Variants in PAK4 observed in about 807,000 individuals in gnomAD.
PAK4 encodes the protein p21 (RAC1) activated kinase 4.
A neutral mutation model predicts 53.5 loss-of-function variants in PAK4; 49 were observed. The observed-to-expected ratio is 0.92, with a 90% CI of 0.73 to 1.16. PAK4 has a LOEUF of 1.16. Among genes scored for constraint, PAK4 ranks in the 50% most tolerant of loss-of-function variants. The pLI, the probability that PAK4 is intolerant of heterozygous loss-of-function variation, is 0.00. For missense variants in PAK4, 824 were observed against 850.7 expected (o/e 0.97, Z 0.39); for synonymous variants, 376 against 375.6 (o/e 1.00, Z -0.01).
chr19:39,150,218 T>G (rs1436657124), intron 1 of PAK4, among the ~76,000 whole-genome samples: 2 of 152,148 alleles, frequency 1.3e-5, no homozygotes, highest in Non-Finnish European at 2.9e-5. Context: ...CTGGGTTACT[T>G]GCTGCAGCGC....
chr19:39,127,646 C>T (rs1486875006), intron 1 of PAK4, among the ~76,000 whole-genome samples: 1 of 152,086 alleles, frequency 6.6e-6, no homozygotes, highest in African/African-American at 2.4e-5. Context: ...ATCCACAGAG[C>T]CCCTAGCCTC....
intron 1 of PAK4, among the ~76,000 whole-genome samples, chr19:39,132,100 G>A (rs1050945735): frequency 3.3e-5 from 5 of 152,190 alleles, no homozygotes; most frequent in African/African-American, 4.8e-5. Context: ...CCAGCTCCAC[G>A]TGCCAGGCAC....
chr19:39,145,121 T>C (rs992499423), intron 1 of PAK4, among the ~76,000 whole-genome samples: 3 of 151,994 alleles, frequency 2.0e-5, no homozygotes, highest in Non-Finnish European at 4.4e-5. Context: ...TCTTTTTTGG[T>C]GAATTGTGAA....
At chr19:39,176,693 C>A in exon 7 of PAK4, 1 of 1,611,358 alleles carries the variant, frequency 6.2e-7, no homozygotes, top group Non-Finnish European at 8.5e-7. Context: ...GAGCTCATCT[C>A]CCGCCTTCCC....
chr19:39,127,292 C>G (rs1212571153), intron 1 of PAK4, among the ~76,000 whole-genome samples: 2 of 152,002 alleles, frequency 1.3e-5, no homozygotes, highest in Non-Finnish European at 2.9e-5. Flanking sequence ...AGCCCCTTTA[C>G]TGTTCTCCAA....
intron 1 of PAK4, among the ~76,000 whole-genome samples, chr19:39,129,818 C>T (rs919304139): frequency 2.0e-5 from 3 of 152,158 alleles, no homozygotes; most frequent in Non-Finnish European, 4.4e-5. Context: ...GGGCAGGTGC[C>T]AGGGGTGACA....
chr19:39,169,698 C>T (rs755002075), exon 2 of PAK4: 1 of 1,611,928 alleles, frequency 6.2e-7, no homozygotes, highest in Non-Finnish European at 8.5e-7. Flanking sequence ...GTCGGCTCGC[C>T]GGCCCAAGCC....
rs200780929 is a variant in PAK4 at position 39,173,368 on chromosome 19, G to A, written c.655G>A (p.Gly219Ser). 2 of 1,528,848 alleles carry A rather than the reference G, an allele frequency of 1.3e-6. No homozygotes were observed. Among genetic ancestry groups the A allele is most frequent in the African/African-American group, 2.8e-5 (2 of 72,452 alleles). 94.7% of individuals were successfully genotyped at this position (1,528,848 alleles called of 1,614,324 possible). Residue 219 changes from glycine (G) to serine (S), a missense_variant, in exon 3 of 9, where the codon GGT becomes AGT. Gly to Ser is a moderately conservative substitution (Grantham distance 56). This residue lies in a region of PAK4 where 478 missense variants were observed against 435.8 expected (regional missense o/e 1.10). Transcript: ENST00000358301. This position sits in a 1 kb window ranked among gnomAD's most constrained non-coding sequence, Gnocchi z 6.9. ...GGCTGACACGGACCACCCATCCCGG[G>A]GTGCCCAGGTAACCCATCCCCCGCC... is the stretch of plus-strand genomic sequence containing the variant.
At chr19:39,167,482 G>C (rs2074396758) in intron 1 of PAK4, among the ~76,000 whole-genome samples, 1 of 152,078 alleles carries the variant, frequency 6.6e-6, no homozygotes, top group South Asian at 2.1e-4. Flanking sequence ...ACGAGGGAGG[G>C]GTGGGCAGCA....
rs1039321134 is a variant in PAK4 at position 39,161,063 on chromosome 19, G to A, written c.-22-8469G>A. Among the ~76,000 whole-genome samples the A allele has an allele frequency of 4.6e-5, 7 of 152,184 alleles. No homozygotes were observed. The highest frequency in any genetic ancestry group is 1.0e-4 in the Non-Finnish European group (7 of 68,024). The stretch of plus-strand genomic sequence containing the variant: ...GTTTCCTGGTTTGGGGAACAGGAAG[G>A]AAGAGGACTCCCCACCCAGCACCCA... On this transcript the variant is annotated intron_variant, in intron 1 of 8. Transcript: ENST00000358301. The surrounding 1 kb of genome is among the most constrained non-coding windows in gnomAD (Gnocchi z 4.5).
In PAK4 at chr19:39,173,534, C is replaced by A; in HGVS notation, c.664-42C>A. The A allele has an allele frequency of 6.8e-7, 1 of 1,471,452 alleles. No individual in the cohort carries two copies. Among genetic ancestry groups the A allele is most frequent in the South Asian group, 1.3e-5 (1 of 74,120 alleles). 91.1% of individuals were successfully genotyped at this position (1,471,452 alleles called of 1,614,324 possible). On this transcript the variant is annotated intron_variant, in intron 3 of 8. Transcript: ENST00000358301. This position sits in a 1 kb window ranked among gnomAD's most constrained non-coding sequence, Gnocchi z 6.9. The stretch of plus-strand genomic sequence containing the variant: ...CTCCTGCTTAGGGAGCAGAGCTGCT[C>A]CCTGGCACCCATCACTGACAGCTAC...
chr19:39,169,149 G>A (rs927022735), intron 1 of PAK4, among the ~76,000 whole-genome samples: 1 of 152,060 alleles, frequency 6.6e-6, no homozygotes, highest in Non-Finnish European at 1.5e-5. Context: ...AGTCACTGCT[G>A]CTCTGAGAAC....
At chr19:39,139,903 T>C (rs1032475703) in intron 1 of PAK4, among the ~76,000 whole-genome samples, 6 of 152,018 alleles carry the variant, frequency 3.9e-5, no homozygotes, top group Non-Finnish European at 8.8e-5. Context: ...TGGCAACAAA[T>C]GTGTTTTAGC....
intron 1 of PAK4, among the ~76,000 whole-genome samples, chr19:39,159,919 T>C (rs1367917506): frequency 6.6e-6 from 1 of 152,222 alleles, no homozygotes; most frequent in Non-Finnish European, 1.5e-5. Flanking sequence ...TCTGTGTCTT[T>C]ATGGGCTTTT....
intron 1 of PAK4, among the ~76,000 whole-genome samples, chr19:39,138,642 T>C (rs2073860637): frequency 6.6e-6 from 1 of 152,200 alleles, no homozygotes; most frequent in African/African-American, 2.4e-5. Flanking sequence ...GCTGAGGACC[T>C]CATGGCGGTG....
intron 1 of PAK4, among the ~76,000 whole-genome samples, chr19:39,139,906 G>A (rs2073882347): frequency 6.6e-6 from 1 of 152,182 alleles, no homozygotes; most frequent in Non-Finnish European, 1.5e-5. Context: ...CAACAAATGT[G>A]TTTTAGCTTT....
intron 2 of PAK4, among the ~76,000 whole-genome samples, chr19:39,172,673 G>A (rs180828849): frequency 6.6e-6 from 1 of 152,288 alleles, no homozygotes; most frequent in Non-Finnish European, 1.5e-5. Flanking sequence ...GGCCTCTCCA[G>A]GGTCCCACCG....
downstream of PAK4, chr19:39,181,343 C>T (rs574418389): frequency 6.6e-6 from 1 of 152,346 alleles, no homozygotes; most frequent in Admixed American, 6.5e-5. Flanking sequence ...CAGAGCCAGT[C>T]AGGAAAACAG....
intron 2 of PAK4, among the ~76,000 whole-genome samples, chr19:39,171,303 G>A (rs1483821503): frequency 6.6e-6 from 1 of 152,034 alleles, no homozygotes; most frequent in Non-Finnish European, 1.5e-5. Context: ...TCGCCTCCTG[G>A]GTTCAAGCGA....
Sources: allele counts gnomAD v4.1 joint callset (sites outside exome capture counted in the v4.1 genomes callset), GRCh38; gene constraint gnomAD v4.1.1; regional missense constraint gnomAD v4.1.1; non-coding constraint Gnocchi (gnomAD v3.1); transcripts MANE v1.5; gene names NCBI Gene and HGNC (gene_info 2026-07-23, HGNC 2026-07-21).